Variants in CKAP5 observed in about 807,000 individuals in gnomAD.
CKAP5 encodes the protein cytoskeleton-associated protein 5.
In CKAP5, 27 loss-of-function variants were observed where a neutral mutation model predicts 232.8. That is an observed-to-expected ratio of 0.12 (90% CI 0.09 to 0.16). CKAP5 has a LOEUF of 0.16. CKAP5 is among the 10% of genes least tolerant of loss of function. CKAP5 has a pLI of 1.00. For missense variants in CKAP5, 1,838 were observed against 2,424.7 expected, an observed-to-expected ratio of 0.76 and a Z score of 5.08; for synonymous variants, 785 against 841.1, an observed-to-expected ratio of 0.93 and a Z score of 1.16.
At chr11:46,786,547 T>C (rs2065395801) in intron 16 of CKAP5, among the ~76,000 whole-genome samples, 1 of 152,208 alleles carries the variant, frequency 6.6e-6, no homozygotes. Flanking sequence ...GGCAACTGTT[T>C]AACATCTAAC....
At chr11:46,830,090 G>C (rs1310547198) in intron 1 of CKAP5, among the ~76,000 whole-genome samples, 1 of 152,098 alleles carries the variant, frequency 6.6e-6, no homozygotes, top group Non-Finnish European at 1.5e-5. Flanking sequence ...TTATGGGCAA[G>C]ACGGAGGGAG....
intron 16 of CKAP5, among the ~76,000 whole-genome samples, chr11:46,786,187 T>C (rs982414019): frequency 2.0e-5 from 3 of 152,120 alleles, no homozygotes; most frequent in African/African-American, 7.2e-5. Flanking sequence ...GCTTGTAACA[T>C]ACAAGAACCA....
At chr11:46,772,001 G>C (rs1330496441) in intron 24 of CKAP5, among the ~76,000 whole-genome samples, 1 of 146,142 alleles carries the variant, frequency 6.8e-6, no homozygotes, top group African/African-American at 2.5e-5. Context: ...GTTTTAATTT[G>C]CATTTCCCTG....
intron 1 of CKAP5, among the ~76,000 whole-genome samples, chr11:46,843,919 C>T (rs1940118243): frequency 6.6e-6 from 1 of 151,922 alleles, no homozygotes; most frequent in Admixed American, 6.6e-5. Context: ...ATAGAAGCTA[C>T]AGTTAGAAAA....
chr11:46,744,429 T>C lies in CKAP5; in HGVS notation c.5853A>G (p.Thr1951=), dbSNP rs1209895156. The C allele has an allele frequency of 6.2e-7, 1 of 1,614,022 alleles. No homozygotes were observed. Among genetic ancestry groups the C allele is most frequent in the African/African-American group, 1.3e-5 (1 of 74,912 alleles). The stretch of plus-strand genomic sequence containing the variant: ...CACAGAAGAAAAGGAGCAGTACCTT[T>C]GTGTTGTCCAGACCACATCGCTGTC... ...ILRQRCGLDN[T]KQDDRPPLTS... Residue 1951 remains threonine, a synonymous_variant, in exon 43 of 44, where the codon ACA becomes ACG. Coordinates refer to ENST00000529230, the MANE Select transcript of CKAP5 (RefSeq NM_001008938.4).
rs2065370766 is a variant in CKAP5, at chr11:46,784,531, G to A, written c.2111C>T (p.Thr704Ile). ...KCGNNAKEAMTAIAEACMLPW... is the reference protein window; with the variant it reads ...KCGNNAKEAMIAIAEACMLPW... ...TAACATACAGGCTTCGGCTATTGCT[G>A]TCATAGCTTCTTTTGCATTGTTCCC... Residue 704 changes from threonine to isoleucine, a missense_variant, in exon 17 of 44, where the codon ACA becomes ATA. Physicochemically the swap from Thr to Ile is moderately conservative, Grantham distance 89. Coordinates refer to ENST00000529230, the MANE Select transcript of CKAP5 (RefSeq NM_001008938.4). 6.2e-7 allele frequency: 1 copy of A among 1,614,106 alleles called. No individual in the cohort carries two copies. Among genetic ancestry groups the A allele is most frequent in the Non-Finnish European group, 8.5e-7 (1 of 1,179,994 alleles).
intron 1 of CKAP5, among the ~76,000 whole-genome samples, chr11:46,821,727 G>T (rs909977701): frequency 1.3e-5 from 2 of 151,560 alleles, no homozygotes; most frequent in Non-Finnish European, 1.5e-5. Flanking sequence ...CCGGCCAATA[G>T]AATTTTTTTT....
At chr11:46,789,987 A>G (rs888798115) in intron 15 of CKAP5, 89 bp downstream of exon 15, 6 of 815,776 alleles carry the variant, frequency 7.4e-6, no homozygotes, top group Non-Finnish European at 1.2e-5. Flanking sequence ...TATAAAACAC[A>G]GCAATTAGGA....
intron 42 of CKAP5, among the ~76,000 whole-genome samples, chr11:46,746,633 T>C (rs1366398027): frequency 2.6e-5 from 4 of 152,160 alleles, no homozygotes; most frequent in Non-Finnish European, 5.9e-5. Context: ...AAAAGATAAA[T>C]GGTACACCTG....
intron 12 of CKAP5, among the ~76,000 whole-genome samples, chr11:46,796,328 C>T (rs1938874409): frequency 6.6e-6 from 1 of 152,080 alleles, no homozygotes; most frequent in Admixed American, 6.5e-5. Context: ...AAAATGACCA[C>T]ATTGTTTATG....
At chr11:46,796,173 A>G (rs888747246) in intron 12 of CKAP5, among the ~76,000 whole-genome samples, 173 of 41,170 alleles carry the variant, frequency 4.2e-3, no homozygotes, top group African/African-American at 6.8e-3. Flanking sequence ...CCAAAAAAAA[A>G]AAAAAAAAAA....
Position 46,822,115 on chromosome 11 carries a change from C to T in CKAP5, c.-37-847G>A, listed in dbSNP as rs1939548337. 3.3e-5 allele frequency among the ~76,000 whole-genome samples: 5 copies of T among 151,694 alleles called. No homozygotes were observed. In the South Asian group the frequency reaches 1.0e-3, roughly 32 times the overall value. ...GCAACATGGTGGAACCCCATCTATACTAAAAACACAAAAATTAGCCAGGCG... is the reference window on the plus strand; with the variant it reads ...GCAACATGGTGGAACCCCATCTATATTAAAAACACAAAAATTAGCCAGGCG... On this transcript the variant is annotated intron_variant, in intron 1 of 43. Coordinates refer to ENST00000529230, the MANE Select transcript of CKAP5 (RefSeq NM_001008938.4).
chr11:46,804,227 A>G (rs1425608678), intron 8 of CKAP5, among the ~76,000 whole-genome samples: 1 of 152,250 alleles, frequency 6.6e-6, no homozygotes, highest in African/African-American at 2.4e-5. Flanking sequence ...CAAAGGCTCA[A>G]ATAAACTTAT....
At chr11:46,841,616 G>C (rs1263260697) in intron 1 of CKAP5, among the ~76,000 whole-genome samples, 2 of 152,134 alleles carry the variant, frequency 1.3e-5, no homozygotes, top group African/African-American at 4.8e-5. Flanking sequence ...AATTACTAAA[G>C]GTAAAAGTTA....
intron 9 of CKAP5, among the ~76,000 whole-genome samples, chr11:46,800,219 G>A (rs1938996206): frequency 6.6e-6 from 1 of 151,888 alleles, no homozygotes; most frequent in South Asian, 2.1e-4. Flanking sequence ...TATGTCTAAG[G>A]GTTTTACAGA....
chr11:46,787,997 G>A (rs1592457905), intron 16 of CKAP5, among the ~76,000 whole-genome samples: 1 of 152,204 alleles, frequency 6.6e-6, no homozygotes, highest in East Asian at 1.9e-4. Flanking sequence ...TAGTAAATAT[G>A]TTTTCTCTTC....
chr11:46,748,917 C>T lies in CKAP5; in HGVS notation c.5704+1357G>A, dbSNP rs191368069. ...TGCGATCTCGGCCCAGTGCAACCTC[C>T]GCCTCCTGGGTTCAAGTGATTCTTC... On this transcript the variant is annotated intron_variant, in intron 42 of 43. Coordinates refer to ENST00000529230, the MANE Select transcript of CKAP5 (RefSeq NM_001008938.4). Among the ~76,000 whole-genome samples, 437 of 151,652 alleles carry T rather than the reference C, an allele frequency of 2.9e-3. 2 individuals are homozygous for T. The highest frequency in any genetic ancestry group is 9.7e-3 in the African/African-American group (401 of 41,496).
intron 1 of CKAP5, among the ~76,000 whole-genome samples, chr11:46,834,519 CAAAAAAAAAAA>C (rs35792132): frequency 1.9e-5 from 1 of 53,576 alleles, no homozygotes; most frequent in Non-Finnish European, 3.7e-5. Flanking sequence ...AACTCCATCT[CAAAAAAAAAAA>C]AAAAAAAAAA....
chr11:46,783,591 TATA>T lies in CKAP5; in HGVS notation c.2155-226_2155-224del, dbSNP rs1475585045. Among the ~76,000 whole-genome samples, 7 of 91,612 alleles carry T rather than the reference TATA, an allele frequency of 7.6e-5. No homozygotes were observed. In the East Asian group the frequency reaches 1.6e-3, roughly 21 times the overall value. The allele number at this position is 91,612 out of a possible 152,430, so 60.1% of individuals were successfully genotyped here. A position where few individuals can be genotyped will look rare whatever the true frequency, so the allele number is the denominator to read the frequency against. On this transcript the variant is annotated intron_variant, in intron 17 of 43. Coordinates refer to ENST00000529230, the MANE Select transcript of CKAP5 (RefSeq NM_001008938.4). ...TAGCTTTGCAGCAATTACTCTGCAT[TATA>T]ATGTTTTTTTTTTTTTTTTAGAGAC...
Sources: allele counts gnomAD v4.1 joint callset (sites outside exome capture counted in the v4.1 genomes callset), GRCh38; gene constraint gnomAD v4.1.1; transcripts MANE v1.5; gene names NCBI Gene and HGNC (gene_info 2026-07-23, HGNC 2026-07-21).